The following PDE7B variants were observed in gnomAD, a reference collection of about 807,000 sequenced individuals.
PDE7B encodes the protein phosphodiesterase 7B, also known as 3',5'-cyclic-AMP phosphodiesterase 7B.
In PDE7B, 29 loss-of-function variants were observed where a neutral mutation model predicts 56.2. The ratio of observed to expected loss-of-function variants is 0.52; its 90% confidence interval spans 0.38 to 0.70. The LOEUF is 0.70. PDE7B is among the 30% of genes least tolerant of loss of function. The pLI is 0.00. For synonymous variants in PDE7B, 197 were observed against 196.9 expected (o/e 1.00, Z 0.00); for missense variants, 490 against 565.0 (o/e 0.87, Z 1.35).
At chr6:135,916,392 C>CTTTTTTTTTTTTTTTTTTTTTT (rs566408380) in intron 1 of PDE7B, among the ~76,000 whole-genome samples, 11 of 96,348 alleles carry the variant, frequency 1.1e-4, no homozygotes, top group African/African-American at 2.1e-4. Flanking sequence ...TCTTTTCTTT[C>CTTTTTTTTTTTTTTTTTTTTTT]TTTTTTTTTT....
chr6:136,172,919 T>C (rs1778915346), intron 8 of PDE7B, among the ~76,000 whole-genome samples: 1 of 151,944 alleles, frequency 6.6e-6, no homozygotes, highest in African/African-American at 2.4e-5. Context: ...TCAAAGAGAA[T>C]AAAATACCTA....
intron 1 of PDE7B, among the ~76,000 whole-genome samples, chr6:135,864,917 A>G (rs926742683): frequency 3.4e-5 from 5 of 149,072 alleles, no homozygotes; most frequent in African/African-American, 1.2e-4. Context: ...CATTAGGTAT[A>G]TCTCCCAATG....
intron 12 of PDE7B, among the ~76,000 whole-genome samples, chr6:136,187,322 C>G (rs17065332): frequency 6.6e-6 from 1 of 152,076 alleles, no homozygotes; most frequent in African/African-American, 2.4e-5. Context: ...AACCTAGGAT[C>G]GAAGCTTTGT....
At chr6:136,063,985 T>A (rs912909585) in intron 2 of PDE7B, among the ~76,000 whole-genome samples, 1 of 152,216 alleles carries the variant, frequency 6.6e-6, no homozygotes, top group East Asian at 1.9e-4. Flanking sequence ...ATTAAAGTTT[T>A]TTTTTTACTA....
At chr6:136,184,329 G>A (rs142753767) in intron 11 of PDE7B, among the ~76,000 whole-genome samples, 129 of 152,330 alleles carry the variant, frequency 8.5e-4, no homozygotes, top group African/African-American at 2.9e-3. Flanking sequence ...TCTAATGATA[G>A]TGGTCACAGG....
chr6:136,187,276 T>A (rs1359470391), intron 12 of PDE7B, among the ~76,000 whole-genome samples, 160 bp downstream of exon 12: 1 of 152,274 alleles, frequency 6.6e-6, no homozygotes, highest in African/African-American at 2.4e-5. Context: ...TAATCATGAC[T>A]AATCTACTAG....
At chr6:135,942,120 A>G (rs1156619526) in intron 1 of PDE7B, among the ~76,000 whole-genome samples, 1 of 146,768 alleles carries the variant, frequency 6.8e-6, no homozygotes, top group Non-Finnish European at 1.5e-5. Flanking sequence ...TCAATTGGAT[A>G]TAATTTTTCT....
rs552110890 is a variant in PDE7B, at chr6:136,063,908, A to G, written c.83-44823A>G. Among the ~76,000 whole-genome samples the G allele has an allele frequency of 2.4e-4, 37 of 152,248 alleles. No individual in the cohort carries two copies. In the South Asian group the frequency reaches 7.3e-3, roughly 30 times the overall value. On this transcript the variant is annotated intron_variant, in intron 2 of 12. Coordinates refer to ENST00000308191, the MANE Select transcript of PDE7B (RefSeq NM_018945.4). ...TGCTATAGTTATTTTTCAATATTCC[A>G]TATCTTCCTGGCTAACATAATAAAT...
At chr6:135,890,288 ACT>A (rs1401178957) in intron 1 of PDE7B, among the ~76,000 whole-genome samples, 2 of 152,188 alleles carry the variant, frequency 1.3e-5, no homozygotes, top group African/African-American at 4.8e-5. Flanking sequence ...ATTATTCTTT[ACT>A]CTCTGATTGT....
At chr6:135,984,380 C>T (rs1006961435) in intron 2 of PDE7B, among the ~76,000 whole-genome samples, 26 of 152,096 alleles carry the variant, frequency 1.7e-4, no homozygotes, top group African/African-American at 6.3e-4. Context: ...TAGAATTTGC[C>T]AGCTCATAAT....
intron 1 of PDE7B, among the ~76,000 whole-genome samples, chr6:135,906,248 G>A (rs889946849): frequency 6.6e-6 from 1 of 152,142 alleles, no homozygotes; most frequent in Non-Finnish European, 1.5e-5. Flanking sequence ...TGTATAAATG[G>A]TTAACGAGAA....
chr6:136,095,405 G>A (rs1468589173), intron 2 of PDE7B, among the ~76,000 whole-genome samples: 2 of 152,006 alleles, frequency 1.3e-5, no homozygotes, highest in Admixed American at 1.3e-4. Flanking sequence ...CAAAGTGATT[G>A]GCAAAGCAGT....
intron 2 of PDE7B, among the ~76,000 whole-genome samples, chr6:136,076,769 A>G (rs1259575764): frequency 6.6e-6 from 1 of 152,126 alleles, no homozygotes; most frequent in African/African-American, 2.4e-5. Context: ...AAAGTATGCT[A>G]TTCTGGACAA....
At chr6:135,968,895 AT>A (rs1775044605) in intron 2 of PDE7B, among the ~76,000 whole-genome samples, 1 of 152,222 alleles carries the variant, frequency 6.6e-6, no homozygotes, top group Non-Finnish European at 1.5e-5. Context: ...CCAAATGTCA[AT>A]CAATGATAGC....
chr6:136,012,952 G>T (rs1775918433), intron 2 of PDE7B, among the ~76,000 whole-genome samples: 1 of 152,120 alleles, frequency 6.6e-6, no homozygotes, highest in South Asian at 2.1e-4. Flanking sequence ...TTAGAAAAAT[G>T]GAGACATGAA....
At position 135,928,501 on chromosome 6, in the gene PDE7B, T is replaced by TTA. The variant is rs199760999; in HGVS notation, c.22-18951_22-18950dup. On this transcript the variant is annotated intron_variant, in intron 1 of 12. Coordinates refer to ENST00000308191, the MANE Select transcript of PDE7B (RefSeq NM_018945.4). ...TATATATTTATTTATATATATATAT[T>TTA]TATATATATATATTTATTTATATAT... Among the ~76,000 whole-genome samples, 102 of 94,654 alleles carry TTA rather than the reference T, an allele frequency of 1.1e-3. 4 individuals carry two copies. The East Asian group carries it at 0.021, about 19-fold the overall frequency. 62.1% of individuals were successfully genotyped at this position (94,654 alleles called of 152,430 possible).
intron 1 of PDE7B, among the ~76,000 whole-genome samples, chr6:135,898,730 T>C (rs1775945349): frequency 6.6e-6 from 1 of 152,198 alleles, no homozygotes; most frequent in Non-Finnish European, 1.5e-5. Context: ...CTCCTATCAT[T>C]GGACATCTAA....
At chr6:136,110,559 A>G (rs888670627) in intron 3 of PDE7B, among the ~76,000 whole-genome samples, 14 of 152,208 alleles carry the variant, frequency 9.2e-5, no homozygotes, top group African/African-American at 3.1e-4. Flanking sequence ...AGGAATTAGG[A>G]AAATAAGGGG....
chr6:135,997,010 C>A (rs914784783), intron 2 of PDE7B, among the ~76,000 whole-genome samples: 1 of 152,110 alleles, frequency 6.6e-6, no homozygotes, highest in African/African-American at 2.4e-5. Flanking sequence ...TCTGAACTAT[C>A]CTTTAATAGC....
Sources: gnomAD v4.1 joint callset for allele counts (sites outside exome capture counted in the v4.1 genomes callset) on GRCh38, gnomAD v4.1.1 for gene constraint, MANE v1.5 for transcripts, NCBI Gene and HGNC (gene_info 2026-07-23, HGNC 2026-07-21) for gene names.